Variants in SPINDOC observed in about 807,000 individuals in gnomAD.
SPINDOC encodes spindlin interactor and repressor of chromatin-binding protein.
In SPINDOC, 13 loss-of-function variants were observed where a neutral mutation model predicts 30.7. The observed-to-expected ratio is 0.42, with a 90% CI of 0.28 to 0.67. SPINDOC has a LOEUF of 0.67. SPINDOC is among the 30% of genes least tolerant of loss of function. The probability of loss-of-function intolerance (pLI) is 0.22; values close to 1 mark genes in which losing one functional copy is unlikely to be tolerated. For missense variants in SPINDOC, 438 were observed against 518.0 expected, an observed-to-expected ratio of 0.85 and a Z score of 1.50; for synonymous variants, 228 against 211.4, an observed-to-expected ratio of 1.08 and a Z score of -0.68.
chr11:63,818,432 GC>G lies in SPINDOC; in HGVS notation c.607+70del. 6.2e-7 allele frequency: 1 copy of G among 1,606,294 alleles called. No homozygotes were observed. The highest frequency in any genetic ancestry group is 1.1e-5 in the South Asian group (1 of 90,962). On this transcript the variant is annotated intron_variant, in intron 3 of 5. Transcript: ENST00000294244. The surrounding 1 kb of genome is among the most constrained non-coding windows in gnomAD (Gnocchi z 5.3). ...GGTTTGGGGACAGGGTGAAATACAG[GC>G]CCTGTGTTCTGGGCAGGTATCTTCA...
In SPINDOC at chr11:63,822,458, G is replaced by T. The variant is rs1345345571; in HGVS notation, c.934+3456G>T. ...CACCCCTCACAAAGTTTTTCTTTGTGTTCACTGCTATACCACTCTTAATTT... is the reference window on the plus strand; with the variant it reads ...CACCCCTCACAAAGTTTTTCTTTGTTTTCACTGCTATACCACTCTTAATTT... On this transcript the variant is annotated intron_variant, in intron 5 of 5. Transcript: ENST00000294244. 8.0e-6 allele frequency: 4 copies of T among 501,086 alleles called. No homozygotes were observed. In the East Asian group the frequency reaches 2.9e-4, roughly 36 times the overall value. The allele number at this position is 501,086 out of a possible 1,614,324, so 31.0% of individuals were successfully genotyped here. A position where few individuals can be genotyped will look rare whatever the true frequency, so the allele number is the denominator to read the frequency against.
In SPINDOC at chr11:63,817,996, C is replaced by A. The variant is rs200056891; in HGVS notation, c.319C>A (p.Arg107Ser). Residue 107 changes from arginine to serine, a missense_variant, in exon 2 of 6, where the codon CGC becomes AGC. Coordinates refer to ENST00000294244, the MANE Select transcript of SPINDOC (RefSeq NM_138471.3). ...CCGGGCACCCTCGGCCGACACAGCT[C>A]GCTCGCACATCTTGGAGCAGCACCC... ...EIRAPSADTA[R>S]SHILEQHPHT... 1 of 1,614,060 alleles carries A rather than the reference C, an allele frequency of 6.2e-7. No individual in the cohort carries two copies. The highest frequency in any genetic ancestry group is 8.5e-7 in the Non-Finnish European group (1 of 1,180,030).
intron 1 of SPINDOC, among the ~76,000 whole-genome samples, chr11:63,814,128 C>T (rs1007753330): frequency 6.6e-6 from 1 of 152,226 alleles, no homozygotes; most frequent in Non-Finnish European, 1.5e-5. Flanking sequence ...CACCAGAGGC[C>T]GGATCCCCAG....
chr11:63,827,225 G>C lies in SPINDOC; in HGVS notation c.*86G>C. The C allele has an allele frequency of 1.3e-6, 2 of 1,544,380 alleles. No individual in the cohort carries two copies. Among genetic ancestry groups the C allele is most frequent in the Non-Finnish European group, 1.7e-6 (2 of 1,145,524 alleles). On this transcript the variant is annotated 3_prime_UTR_variant, in exon 6 of 6. Coordinates refer to ENST00000294244, the MANE Select transcript of SPINDOC (RefSeq NM_138471.3). ...TCAGAGCTGCCTGGCTCACCCACCT[G>C]GTGGAGAGAGTAGAAACAGGTGCCA...
intron 5 of SPINDOC, among the ~76,000 whole-genome samples, chr11:63,826,092 C>G (rs919498530): frequency 5.9e-5 from 9 of 152,108 alleles, no homozygotes; most frequent in African/African-American, 1.9e-4. Context: ...GGGTGCACCA[C>G]TATGCCTGCC....
At position 63,818,755 on chromosome 11, in the gene SPINDOC, C is replaced by T; in HGVS notation, c.734-47C>T. 1.2e-6 allele frequency: 2 copies of T among 1,612,308 alleles called. No homozygotes were observed. The highest frequency in any genetic ancestry group is 1.7e-6 in the Non-Finnish European group (2 of 1,179,466). The stretch of plus-strand genomic sequence containing the variant: ...GGGCCTGGGCGCAGGGCGCCTGCAG[C>T]TCCTGAGGCTTTTTCACTCACAGTT... On this transcript the variant is annotated intron_variant, in intron 4 of 5. Transcript: ENST00000294244. This position sits in a 1 kb window ranked among gnomAD's most constrained non-coding sequence, Gnocchi z 5.3.
In SPINDOC at chr11:63,827,206, C is replaced by T. The variant is rs1385326061; in HGVS notation, c.*67C>T. The T allele has an allele frequency of 1.9e-6, 3 of 1,571,126 alleles. No homozygotes were observed. Among genetic ancestry groups the T allele is most frequent in the Non-Finnish European group, 2.6e-6 (3 of 1,158,838 alleles). On this transcript the variant is annotated 3_prime_UTR_variant, in exon 6 of 6. Transcript: ENST00000294244. ...TCCCCCAGTGGCTTATAACTCAGAG[C>T]TGCCTGGCTCACCCACCTGGTGGAG... is the stretch of plus-strand genomic sequence containing the variant.
rs1233012140 is a variant in SPINDOC, at chr11:63,818,484, G to T, written c.608-43G>T. 6.2e-7 allele frequency: 1 copy of T among 1,606,762 alleles called. No homozygotes were observed. Among genetic ancestry groups the T allele is most frequent in the Admixed American group, 1.7e-5 (1 of 59,072 alleles). ...GGAGCCCTGGGGTGGCAGGGTTCGG[G>T]GATGGCCTCTTTAAAAGGGTATGAG... On this transcript the variant is annotated intron_variant, in intron 3 of 5. Coordinates refer to ENST00000294244, the MANE Select transcript of SPINDOC (RefSeq NM_138471.3). The surrounding 1 kb of genome is among the most constrained non-coding windows in gnomAD (Gnocchi z 5.3).
chr11:63,816,242 TGAG>T (rs1332190992), intron 1 of SPINDOC, among the ~76,000 whole-genome samples: 27 of 151,692 alleles, frequency 1.8e-4, no homozygotes, highest in Admixed American at 1.4e-3. Flanking sequence ...TGAGAAGAGA[TGAG>T]GAAGAACTAG....
At chr11:63,814,669 A>G (rs2015292845) in intron 1 of SPINDOC, among the ~76,000 whole-genome samples, 1 of 152,236 alleles carries the variant, frequency 6.6e-6, no homozygotes, top group East Asian at 1.9e-4. Context: ...CAGCAATGCC[A>G]TTCATTGAAC....
In SPINDOC at chr11:63,818,137, A is replaced by G. The variant is rs1427774497; in HGVS notation, c.457+3A>G. ...GCAGCCGTCCCCACCCAACTCAGGT[A>G]GTTGGTCCTGGGGCTGGCGAAGGGA... On this transcript the variant is annotated splice_donor_region_variant and intron_variant, in intron 2 of 5. Coordinates refer to ENST00000294244, the MANE Select transcript of SPINDOC (RefSeq NM_138471.3). This position sits in a 1 kb window ranked among gnomAD's most constrained non-coding sequence, Gnocchi z 5.3. The G allele has an allele frequency of 6.2e-7, 1 of 1,613,712 alleles. No homozygotes were observed. Among genetic ancestry groups the G allele is most frequent in the South Asian group, 1.1e-5 (1 of 91,078 alleles).
chr11:63,820,221 A>G (rs1039487536), intron 5 of SPINDOC, among the ~76,000 whole-genome samples: 1 of 151,058 alleles, frequency 6.6e-6, no homozygotes, highest in Non-Finnish European at 1.5e-5. Context: ...GATATGGCGA[A>G]ACCTCATCTC....
intron 1 of SPINDOC, among the ~76,000 whole-genome samples, chr11:63,815,585 A>T (rs79880406): frequency 6.6e-6 from 1 of 152,196 alleles, no homozygotes; most frequent in Non-Finnish European, 1.5e-5. Flanking sequence ...GCAGGCAGAC[A>T]GTGGGAAGAG....
chr11:63,817,684 C>T (rs144564053), intron 1 of SPINDOC, 121 bp from the exon 2 acceptor site: 7 of 897,120 alleles, frequency 7.8e-6, no homozygotes, highest in African/African-American at 6.8e-5. Flanking sequence ...GGAAGAAGAA[C>T]ACTTTGGCCA....
chr11:63,824,979 A>G (rs527599173), intron 5 of SPINDOC, among the ~76,000 whole-genome samples: 3 of 152,092 alleles, frequency 2.0e-5, no homozygotes, highest in East Asian at 3.9e-4. Flanking sequence ...CAGAGCTCAC[A>G]CTGCTGTCAC....
In SPINDOC at chr11:63,827,262, G is replaced by A; in HGVS notation, c.*123G>A. On this transcript the variant is annotated 3_prime_UTR_variant, in exon 6 of 6. Coordinates refer to ENST00000294244, the MANE Select transcript of SPINDOC (RefSeq NM_138471.3). ...AGAAACAGGTGCCAGGGCAGGAGGG[G>A]GCTGGGGCAGCATCCACTGTTATTT... The A allele has an allele frequency of 3.4e-6, 5 of 1,462,414 alleles. No homozygotes were observed. Among genetic ancestry groups the A allele is most frequent in the South Asian group, 1.3e-5 (1 of 74,442 alleles). The allele number at this position is 1,462,414 out of a possible 1,614,324, so 90.6% of individuals were successfully genotyped here. A position where few individuals can be genotyped will look rare whatever the true frequency, so the allele number is the denominator to read the frequency against.
chr11:63,826,903 G>T, intron 5 of SPINDOC, 25 bp from the exon 6 acceptor site: 2 of 1,204,080 alleles, frequency 1.7e-6, no homozygotes, highest in East Asian at 2.4e-5. Flanking sequence ...GGCTCTGACT[G>T]CTCTCTGCTC....
chr11:63,825,470 C>T (rs2015632468), intron 5 of SPINDOC, among the ~76,000 whole-genome samples: 1 of 152,186 alleles, frequency 6.6e-6, no homozygotes, highest in Non-Finnish European at 1.5e-5. Context: ...TGCTACTTTG[C>T]ATCTGTCCAT....
At position 63,823,315 on chromosome 11, in the gene SPINDOC, G is replaced by A. The variant is rs1015694956; in HGVS notation, c.935-3613G>A. 21 of 1,201,968 alleles carry A rather than the reference G, an allele frequency of 1.7e-5. No individual in the cohort carries two copies. In the East Asian group the frequency reaches 2.3e-4, roughly 13 times the overall value. The allele number at this position is 1,201,968 out of a possible 1,614,324, so 74.5% of individuals were successfully genotyped here. A position where few individuals can be genotyped will look rare whatever the true frequency, so the allele number is the denominator to read the frequency against. On this transcript the variant is annotated intron_variant, in intron 5 of 5. Transcript: ENST00000294244. ...CTCTACTTTCTGTGTTGTTATGTAC[G>A]TATTGAAGTTCTCTGAAGACTTTAT...
Sources: allele counts gnomAD v4.1 joint callset (sites outside exome capture counted in the v4.1 genomes callset), GRCh38; gene constraint gnomAD v4.1.1; non-coding constraint Gnocchi (gnomAD v3.1); transcripts MANE v1.5; gene names NCBI Gene and HGNC (gene_info 2026-07-23, HGNC 2026-07-21).